Variants in RPS6KC1 observed in about 807,000 individuals in gnomAD.
The protein encoded by RPS6KC1 is ribosomal protein S6 kinase C1.
In RPS6KC1, 54 loss-of-function variants were observed where a neutral mutation model predicts 103.8. The ratio of observed to expected loss-of-function variants is 0.52; its 90% CI spans 0.42 to 0.65. RPS6KC1 has a LOEUF of 0.65. RPS6KC1 is among the 30% of genes least tolerant of loss of function. RPS6KC1 has a pLI of 0.00. For synonymous variants in RPS6KC1, 439 were observed against 438.7 expected (o/e 1.00, Z -0.01); for missense variants, 1,151 against 1,253.8 (o/e 0.92, Z 1.24).
the RPS6KC1 span, among the ~76,000 whole-genome samples, chr1:213,769,466 AG>A: frequency 2.0e-5 from 3 of 152,104 alleles, no homozygotes; most frequent in African/African-American, 7.2e-5. Context: ...TACCAGAAAT[AG>A]AAATCTGAAA....
chr1:213,164,469 T>G (rs1296052943), intron 6 of RPS6KC1, among the ~76,000 whole-genome samples: 2 of 152,254 alleles, frequency 1.3e-5, no homozygotes, highest in Non-Finnish European at 2.9e-5. Context: ...AAACACAGGT[T>G]GTCACAATCC....
the RPS6KC1 span, among the ~76,000 whole-genome samples, chr1:213,861,642 G>A: frequency 1.3e-5 from 2 of 152,232 alleles, no homozygotes; most frequent in East Asian, 1.9e-4. Flanking sequence ...AGCTGAATAT[G>A]CATTTACACC....
At chr1:213,542,951 CT>C in the RPS6KC1 span, among the ~76,000 whole-genome samples, 2 of 152,160 alleles carry the variant, frequency 1.3e-5, no homozygotes, top group African/African-American at 2.4e-5. Flanking sequence ...GGGACAGGAG[CT>C]TTGCTAAAGC....
the RPS6KC1 span, among the ~76,000 whole-genome samples, chr1:213,516,039 A>T: frequency 1.3e-5 from 2 of 152,054 alleles, no homozygotes; most frequent in Non-Finnish European, 2.9e-5. Flanking sequence ...TTTGTCTGTT[A>T]TTGGTGTATA....
chr1:213,855,896 C>T, the RPS6KC1 span, among the ~76,000 whole-genome samples: 6 of 152,204 alleles, frequency 3.9e-5, no homozygotes, highest in East Asian at 1.9e-4. Context: ...AGGAGAGTGG[C>T]GGTAGCTGGT....
At chr1:213,710,616 T>A in the RPS6KC1 span, among the ~76,000 whole-genome samples, 1 of 152,324 alleles carries the variant, frequency 6.6e-6, no homozygotes, top group African/African-American at 2.4e-5. Flanking sequence ...GTGTCAATGG[T>A]CTTTACATTT....
the RPS6KC1 span, among the ~76,000 whole-genome samples, chr1:213,639,816 G>T: frequency 0.68 from 103,481 of 151,158 alleles, 35,664 homozygotes; most frequent in African/African-American, 0.8. Context: ...TTTGTTGAGT[G>T]TTTTTTCATC....
intron 8 of RPS6KC1, among the ~76,000 whole-genome samples, chr1:213,198,091 C>T (rs1026297685): frequency 9.2e-5 from 14 of 151,824 alleles, no homozygotes; most frequent in East Asian, 1.9e-4. Flanking sequence ...TGGTGTATTT[C>T]GATGTTTTGT....
intron 6 of RPS6KC1, among the ~76,000 whole-genome samples, chr1:213,154,663 G>T (rs7538564): frequency 0.16 from 24,184 of 152,220 alleles, 5,117 homozygotes; most frequent in African/African-American, 0.49. Context: ...GTTCCCCACT[G>T]GCCAAGGGCA....
At chr1:213,091,639 A>T (rs1031485992) in intron 3 of RPS6KC1, among the ~76,000 whole-genome samples, 1 of 152,196 alleles carries the variant, frequency 6.6e-6, no homozygotes, top group African/African-American at 2.4e-5. Context: ...ATTTTATTAT[A>T]CAGTGTTAAA....
At chr1:213,745,745 C>A in the RPS6KC1 span, among the ~76,000 whole-genome samples, 2 of 152,278 alleles carry the variant, frequency 1.3e-5, no homozygotes, top group African/African-American at 4.8e-5. Context: ...TCCTGCAAAT[C>A]AAAATCTCAT....
At chr1:213,329,300 G>A in the RPS6KC1 span, among the ~76,000 whole-genome samples, 3 of 152,164 alleles carry the variant, frequency 2.0e-5, no homozygotes, top group African/African-American at 7.2e-5. Context: ...TTTATTGGGA[G>A]TGGGAAGTGG....
At chr1:213,622,540 A>C in the RPS6KC1 span, among the ~76,000 whole-genome samples, 1 of 151,982 alleles carries the variant, frequency 6.6e-6, no homozygotes, top group Non-Finnish European at 1.5e-5. Context: ...CTCCCGCTCC[A>C]GTGCCCACTC....
chr1:213,799,974 G>A, the RPS6KC1 span, among the ~76,000 whole-genome samples: 1 of 152,146 alleles, frequency 6.6e-6, no homozygotes, highest in Admixed American at 6.5e-5. Flanking sequence ...TGGCTACCTT[G>A]TCACTGTGTC....
At chr1:213,574,303 G>T in the RPS6KC1 span, among the ~76,000 whole-genome samples, 1 of 152,048 alleles carries the variant, frequency 6.6e-6, no homozygotes, top group South Asian at 2.1e-4. Flanking sequence ...TCTGATATCA[G>T]TTGGAATCTG....
the RPS6KC1 span, among the ~76,000 whole-genome samples, chr1:213,530,467 C>A: frequency 2.0e-5 from 3 of 152,208 alleles, no homozygotes; most frequent in African/African-American, 7.2e-5. Flanking sequence ...TGTCACTTAA[C>A]CTTCAAATTC....
the RPS6KC1 span, among the ~76,000 whole-genome samples, chr1:213,630,601 G>A: frequency 6.6e-6 from 1 of 152,168 alleles, no homozygotes; most frequent in African/African-American, 2.4e-5. Flanking sequence ...TCTCCATCCA[G>A]CTTTGTTCCA....
chr1:213,232,633 C>T, intron 10 of RPS6KC1, among the ~76,000 whole-genome samples: 1 of 152,150 alleles, frequency 6.6e-6, no homozygotes, highest in East Asian at 1.9e-4. Flanking sequence ...AAAGCATCCC[C>T]TGAAGAATTA....
At chr1:213,060,347 C>T (rs1427711088) in intron 1 of RPS6KC1, among the ~76,000 whole-genome samples, 1 of 152,062 alleles carries the variant, frequency 6.6e-6, no homozygotes, top group Non-Finnish European at 1.5e-5. Flanking sequence ...TGAATAAATA[C>T]TTAGTTTTGG....
Sources: gnomAD v4.1 joint callset for allele counts (sites outside exome capture counted in the v4.1 genomes callset) on GRCh38, gnomAD v4.1.1 for gene constraint, MANE v1.5 for transcripts, NCBI Gene and HGNC (gene_info 2026-07-23, HGNC 2026-07-21) for gene names.